The following MAPK4 variants were observed in gnomAD, a reference collection of about 807,000 sequenced individuals.
MAPK4 encodes the protein Erk3-related.
MAPK4 carries 22 observed loss-of-function variants against 47.7 expected under a neutral mutation model. The observed-to-expected ratio is 0.46, with a 90% confidence interval of 0.33 to 0.66. The LOEUF (loss-of-function observed/expected upper bound fraction) is 0.66, where lower values mean the gene tolerates loss of function less well. Among genes scored for constraint, MAPK4 ranks in the 30% least tolerant of loss-of-function variants. The pLI is 0.02. For missense variants in MAPK4, 736 were observed against 831.7 expected (o/e 0.88, Z 1.42); for synonymous variants, 390 against 365.7 (o/e 1.07, Z -0.76).
intron 1 of MAPK4, among the ~76,000 whole-genome samples, chr18:50,646,274 G>A (rs1263595650): frequency 6.6e-6 from 1 of 152,224 alleles, no homozygotes; most frequent in Non-Finnish European, 1.5e-5. Flanking sequence ...TGTCCCTGAA[G>A]CTCTTCCTCC....
intron 2 of MAPK4, among the ~76,000 whole-genome samples, chr18:50,677,554 G>GTT (rs140981187): frequency 0.017 from 2,544 of 150,102 alleles, 62 homozygotes; most frequent in African/African-American, 0.059. Flanking sequence ...TGTGTGTAAG[G>GTT]TTTTTTTTTG....
intron 1 of MAPK4, among the ~76,000 whole-genome samples, chr18:50,597,391 G>A (rs930362): frequency 0.33 from 50,336 of 152,026 alleles, 9,077 homozygotes; most frequent in African/African-American, 0.48. Flanking sequence ...ACCTGTCTCT[G>A]AAATCATGAC....
intron 2 of MAPK4, among the ~76,000 whole-genome samples, chr18:50,676,765 T>G (rs1008117902): frequency 4.6e-5 from 7 of 152,254 alleles, no homozygotes; most frequent in African/African-American, 1.4e-4. Flanking sequence ...GTATGTTCTA[T>G]GATGTTTTTG....
chr18:50,624,263 G>T (rs976169538), intron 1 of MAPK4, among the ~76,000 whole-genome samples: 1 of 152,196 alleles, frequency 6.6e-6, no homozygotes, highest in Non-Finnish European at 1.5e-5. Flanking sequence ...TATGGGCTTT[G>T]TATGGCCTGT....
chr18:50,711,555 C>T (rs145213686), intron 2 of MAPK4, among the ~76,000 whole-genome samples: 39 of 152,354 alleles, frequency 2.6e-4, no homozygotes, highest in Non-Finnish European at 5.3e-4. Flanking sequence ...GCAACAGCCG[C>T]GTGCAGACGC....
At chr18:50,560,019 G>T (rs2042137044), upstream of MAPK4, 2 of 148,726 alleles carry the variant, frequency 1.3e-5, no homozygotes, top group South Asian at 1.9e-4. Context: ...GGGCGGGGGC[G>T]GGGCCCGGCT....
intron 2 of MAPK4, chr18:50,704,497 C>T: frequency 2.5e-6 from 1 of 398,554 alleles, no homozygotes; most frequent in Non-Finnish European, 4.4e-6. Flanking sequence ...AAAAGCAAGA[C>T]AATCATGTGT....
chr18:50,645,221 A>G (rs1264204757), intron 1 of MAPK4, among the ~76,000 whole-genome samples: 1 of 151,730 alleles, frequency 6.6e-6, no homozygotes, highest in Non-Finnish European at 1.5e-5. Context: ...CATAGGAGAG[A>G]TGAATGCCAA....
At chr18:50,632,973 A>G (rs2042846110) in intron 1 of MAPK4, among the ~76,000 whole-genome samples, 1 of 151,282 alleles carries the variant, frequency 6.6e-6, no homozygotes, top group African/African-American at 2.5e-5. Flanking sequence ...TAAAAACACA[A>G]TGCTATTTTG....
chr18:50,657,237 C>T (rs1409374687), intron 1 of MAPK4, among the ~76,000 whole-genome samples: 1 of 152,158 alleles, frequency 6.6e-6, no homozygotes, highest in Admixed American at 6.5e-5. Context: ...GCAATCACTG[C>T]CAAGAGGGAA....
At position 50,664,055 on chromosome 18, in the gene MAPK4, T is replaced by C. The variant is rs1364503540; in HGVS notation, c.97T>C (p.Leu33=). Residue 33 remains leucine (L), a synonymous_variant, in exon 2 of 6, where the codon TTG becomes CTG. Transcript: ENST00000400384. This position sits in a 1 kb window ranked among gnomAD's most constrained non-coding sequence, Gnocchi z 6.0. ...FQPLGFGVNG[L]VLSAVDSRAC... is the part of the protein sequence containing the mutation. ...ACCCCTGGGCTTCGGTGTCAATGGT[T>C]TGGTGCTGTCGGCCGTGGACAGCCG... 2 of 1,613,894 alleles carry C rather than the reference T, an allele frequency of 1.2e-6. No homozygotes were observed. The highest frequency in any genetic ancestry group is 1.7e-6 in the Non-Finnish European group (2 of 1,180,024).
intron 1 of MAPK4, among the ~76,000 whole-genome samples, chr18:50,656,743 C>T (rs1405446348): frequency 6.6e-6 from 1 of 152,116 alleles, no homozygotes; most frequent in African/African-American, 2.4e-5. Flanking sequence ...CCTGAATGTT[C>T]CTGCATTGTT....
chr18:50,651,943 G>A (rs909449241), intron 1 of MAPK4, among the ~76,000 whole-genome samples: 1 of 152,212 alleles, frequency 6.6e-6, no homozygotes, highest in South Asian at 2.1e-4. Flanking sequence ...GCAGGAGAAG[G>A]GGTCACACTA....
At chr18:50,638,112 C>T (rs2042903993) in intron 1 of MAPK4, among the ~76,000 whole-genome samples, 1 of 152,148 alleles carries the variant, frequency 6.6e-6, no homozygotes, top group Non-Finnish European at 1.5e-5. Flanking sequence ...ACTTCATATC[C>T]ATTGCTCTAT....
At chr18:50,602,647 A>G (rs1015982232) in intron 1 of MAPK4, among the ~76,000 whole-genome samples, 2 of 152,232 alleles carry the variant, frequency 1.3e-5, no homozygotes, top group African/African-American at 4.8e-5. Context: ...TATGCTTGAA[A>G]TCTATACCAG....
At chr18:50,669,375 A>C (rs1371724060) in intron 2 of MAPK4, 1 of 152,248 alleles carries the variant, frequency 6.6e-6, no homozygotes. Context: ...GAACCACCTC[A>C]AGAGTATGCG....
rs1302141376 is a variant in MAPK4, at chr18:50,707,549, GAC to G, written c.547-7528_547-7527del. Among the ~76,000 whole-genome samples the G allele has an allele frequency of 9.7e-5, 13 of 133,650 alleles. 2 individuals carry two copies. The East Asian group carries it at 2.8e-3, about 29-fold the overall frequency. The allele number at this position is 133,650 out of a possible 152,430, so 87.7% of individuals were successfully genotyped here. On this transcript the variant is annotated intron_variant, in intron 2 of 5. Transcript: ENST00000400384. The stretch of plus-strand genomic sequence containing the variant: ...TCGTGCCACTGCACTCCAGCCTGGT[GAC>G]AGAGTGAGCCTCTGTCTCAAAAAAA...
rs2042766737 is a variant in MAPK4 at position 50,625,246 on chromosome 18, C to T, written c.-870-37843C>T. On this transcript the variant is annotated intron_variant, in intron 1 of 5. Transcript: ENST00000400384. Reference sequence around the variant, plus strand: ...CTGGTCCTGGAAAATGCAGGGTCTGCATCAGGGATGGATGGCCTCCATCAC... The same window carrying T: ...CTGGTCCTGGAAAATGCAGGGTCTGTATCAGGGATGGATGGCCTCCATCAC... 2.0e-5 allele frequency among the ~76,000 whole-genome samples: 3 copies of T among 152,270 alleles called. No homozygotes were observed. The South Asian group carries it at 6.2e-4, about 32-fold the overall frequency.
chr18:50,729,953 T>C lies in MAPK4; in HGVS notation c.*99T>C. The C allele has an allele frequency of 6.2e-6, 8 of 1,281,178 alleles. No individual in the cohort carries two copies. The highest frequency in any genetic ancestry group is 1.5e-5 in the African/African-American group (1 of 67,168). The allele number at this position is 1,281,178 out of a possible 1,614,324, so 79.4% of individuals were successfully genotyped here. A position where few individuals can be genotyped will look rare whatever the true frequency, so the allele number is the denominator to read the frequency against. ...GCCCTTCCCGCCCCTCTCTGCTGCC[T>C]TGGGGTTGGCAGAACACGTGAAGGA... On this transcript the variant is annotated 3_prime_UTR_variant, in exon 6 of 6. Coordinates refer to ENST00000400384, the MANE Select transcript of MAPK4 (RefSeq NM_002747.4).
Sources: allele counts gnomAD v4.1 joint callset (sites outside exome capture counted in the v4.1 genomes callset), GRCh38; gene constraint gnomAD v4.1.1; non-coding constraint Gnocchi (gnomAD v3.1); transcripts MANE v1.5; gene names NCBI Gene and HGNC (gene_info 2026-07-23, HGNC 2026-07-21).